The following CERKL variants were observed in gnomAD, a reference collection of about 807,000 sequenced individuals.
CERKL encodes CERK like autophagy regulator.
In CERKL, 61 loss-of-function variants were observed where a neutral mutation model predicts 63.4. The ratio of observed to expected loss-of-function variants is 0.96; its 90% CI spans 0.78 to 1.19. The LOEUF (loss-of-function observed/expected upper bound fraction) is 1.19. Ranked by LOEUF, CERKL falls within the 50% of genes most tolerant of loss-of-function variation. The pLI is 0.00. For synonymous variants in CERKL, 250 were observed against 230.5 expected (o/e 1.08, Z -0.77); for missense variants, 675 against 655.5 (o/e 1.03, Z -0.33).
chr2:181,624,162 T>C (rs1037655090), intron 1 of CERKL, among the ~76,000 whole-genome samples: 1 of 152,060 alleles, frequency 6.6e-6, no homozygotes, highest in Non-Finnish European at 1.5e-5. Flanking sequence ...TAGGGTAATA[T>C]AGACTACATT....
At chr2:181,549,516 T>C in intron 6 of CERKL, 118 bp downstream of exon 6, 1 of 793,138 alleles carries the variant, frequency 1.3e-6, no homozygotes, top group Non-Finnish European at 2.2e-6. Flanking sequence ...CAAACATTTC[T>C]CTACTCTAAG....
At position 181,539,191 on chromosome 2, in the gene CERKL, T is replaced by C. The variant is rs756609900; in HGVS notation, c.1439A>G (p.Tyr480Cys). Reference sequence around the variant, plus strand: ...TTCATCCTCCTCCTCCTCTGGATTATATCCACCAGTATTATTCCTTGGATG... The same window carrying C: ...TTCATCCTCCTCCTCCTCTGGATTACATCCACCAGTATTATTCCTTGGATG... ...KVHPRNNTGGYNPEEEEDETA... is the reference protein window; with the variant it reads ...KVHPRNNTGGCNPEEEEDETA... Residue 480 changes from tyrosine (Y) to cysteine (C), a missense_variant, in exon 12 of 13, where the codon TAT becomes TGT. Tyr to Cys is a radical substitution (Grantham distance 194, BLOSUM62 -2). Coordinates refer to ENST00000410087, the MANE Select transcript of CERKL (RefSeq NM_201548.5). The C allele has an allele frequency of 3.7e-6, 6 of 1,604,962 alleles. No homozygotes were observed. Among genetic ancestry groups the C allele is most frequent in the Non-Finnish European group, 5.1e-6 (6 of 1,171,940 alleles).
At chr2:181,551,415 A>C (rs1574439893) in intron 5 of CERKL, among the ~76,000 whole-genome samples, 1 of 152,314 alleles carries the variant, frequency 6.6e-6, no homozygotes, top group South Asian at 2.1e-4. Flanking sequence ...CAATGTACCC[A>C]TCTGACAAAG....
At chr2:181,635,351 A>G (rs1427568998) in intron 1 of CERKL, among the ~76,000 whole-genome samples, 2 of 152,202 alleles carry the variant, frequency 1.3e-5, no homozygotes, top group African/African-American at 2.4e-5. Flanking sequence ...AATAACTTTT[A>G]GAGAAATTTA....
chr2:181,604,702 C>A (rs1685605573), intron 1 of CERKL, among the ~76,000 whole-genome samples: 1 of 152,088 alleles, frequency 6.6e-6, no homozygotes. Context: ...GACTTTATGA[C>A]AAATTGTTGA....
At chr2:181,610,140 C>T (rs1288828561) in intron 1 of CERKL, among the ~76,000 whole-genome samples, 1 of 152,074 alleles carries the variant, frequency 6.6e-6, no homozygotes, top group Non-Finnish European at 1.5e-5. Context: ...ATGACAGTTA[C>T]ATAATCTATT....
chr2:181,589,873 G>A (rs1231724149), intron 2 of CERKL, among the ~76,000 whole-genome samples: 1 of 152,194 alleles, frequency 6.6e-6, no homozygotes, highest in Non-Finnish European at 1.5e-5. Flanking sequence ...TGCCTAGGCT[G>A]GAGTGCAATG....
In CERKL at chr2:181,656,774, G is replaced by C. The variant is rs775413999; in HGVS notation, c.233C>G (p.Pro78Arg). 24 of 1,591,956 alleles carry C rather than the reference G, an allele frequency of 1.5e-5. No homozygotes were observed. The highest frequency in any genetic ancestry group is 1.9e-5 in the Non-Finnish European group (22 of 1,168,654). The part of the protein sequence containing the change: ...LRWRPIQPER[P>R]AGDSKYDLLC... ...GCTTGGGGCCGGGCACTCACCCGCC[G>C]GGCGCTCGGGCTGAATGGGCCGCCA... Residue 78 changes from proline (P) to arginine (R), a missense_variant, in exon 1 of 13, where the codon CCG becomes CGG. Pro to Arg is a moderately radical substitution (Grantham distance 103, BLOSUM62 -2). Transcript: ENST00000410087.
chr2:181,650,888 C>T (rs532387955), intron 1 of CERKL, among the ~76,000 whole-genome samples: 17 of 151,782 alleles, frequency 1.1e-4, no homozygotes, highest in Non-Finnish European at 2.2e-4. Context: ...AAAAGATGAA[C>T]AAAATTTAGA....
At chr2:181,616,203 TA>T (rs1686185915) in intron 1 of CERKL, among the ~76,000 whole-genome samples, 1 of 135,810 alleles carries the variant, frequency 7.4e-6, no homozygotes, top group Non-Finnish European at 1.5e-5. Flanking sequence ...GTCAAAAATC[TA>T]AATTTTTTTT....
intron 1 of CERKL, among the ~76,000 whole-genome samples, chr2:181,631,559 C>T (rs1001344449): frequency 3.3e-5 from 5 of 152,082 alleles, no homozygotes; most frequent in Non-Finnish European, 5.9e-5. Context: ...CTCCACAGCA[C>T]CCCCCTTCAT....
chr2:181,651,256 T>A (rs898507865), intron 1 of CERKL, among the ~76,000 whole-genome samples: 1 of 152,118 alleles, frequency 6.6e-6, no homozygotes. Flanking sequence ...CTGATGAACA[T>A]AGGTGCAAAA....
chr2:181,553,403 A>G (rs10930971), intron 5 of CERKL, among the ~76,000 whole-genome samples: 37,354 of 152,098 alleles, frequency 0.25, 4,967 homozygotes, highest in African/African-American at 0.35. Flanking sequence ...GTACTCCATG[A>G]AACACATTTC....
At chr2:181,621,830 GT>G (rs1002913222) in intron 1 of CERKL, among the ~76,000 whole-genome samples, 4 of 151,542 alleles carry the variant, frequency 2.6e-5, no homozygotes, top group Admixed American at 6.6e-5. Flanking sequence ...AATACTGTCA[GT>G]TTTTTTTTAG....
At chr2:181,592,230 T>C (rs1216167275) in intron 2 of CERKL, among the ~76,000 whole-genome samples, 1 of 152,190 alleles carries the variant, frequency 6.6e-6, no homozygotes, top group Non-Finnish European at 1.5e-5. Context: ...GATTTAATGT[T>C]ATAAACATTT....
chr2:181,638,958 C>G (rs1012542251), intron 1 of CERKL, among the ~76,000 whole-genome samples: 1 of 151,784 alleles, frequency 6.6e-6, no homozygotes, highest in African/African-American at 2.4e-5. Context: ...ATAGGCCAAA[C>G]TAGTTTGTTC....
At chr2:181,561,934 C>T (rs1389433861) in intron 4 of CERKL, among the ~76,000 whole-genome samples, 1 of 152,164 alleles carries the variant, frequency 6.6e-6, no homozygotes, top group Admixed American at 6.6e-5. Flanking sequence ...CTGCTTCAGC[C>T]TCCCAAGTAG....
At chr2:181,617,774 T>G (rs1314421741) in intron 1 of CERKL, among the ~76,000 whole-genome samples, 1 of 152,202 alleles carries the variant, frequency 6.6e-6, no homozygotes, top group Non-Finnish European at 1.5e-5. Flanking sequence ...TAAATAGATA[T>G]GTTTTCAGAT....
At chr2:181,561,307 G>A (rs888553656) in intron 4 of CERKL, among the ~76,000 whole-genome samples, 2 of 151,966 alleles carry the variant, frequency 1.3e-5, no homozygotes, top group Non-Finnish European at 2.9e-5. Context: ...CTACTCAGGA[G>A]GCTGGGGCAG....
Sources: gnomAD v4.1 joint callset for allele counts (sites outside exome capture counted in the v4.1 genomes callset) on GRCh38, gnomAD v4.1.1 for gene constraint, MANE v1.5 for transcripts, NCBI Gene and HGNC (gene_info 2026-07-23, HGNC 2026-07-21) for gene names.